F5: variants seen among roughly 807,000 people sequenced by gnomAD.
The protein encoded by F5 is coagulation factor V, also known as activated protein c cofactor.
F5 carries 138 observed loss-of-function variants against 216.4 expected under a neutral mutation model. The observed-to-expected ratio is 0.64, with a 90% CI of 0.56 to 0.73. The LOEUF (loss-of-function observed/expected upper bound fraction) is 0.73. Among genes scored for constraint, F5 ranks in the 30% least tolerant of loss-of-function variants. F5 has a pLI of 0.00. For missense variants in F5, 2,403 were observed against 2,674.0 expected (o/e 0.90, Z 2.24); for synonymous variants, 916 against 930.7 (o/e 0.98, Z 0.29).
At chr1:169,565,354 A>G (rs1024166969) in intron 3 of F5, among the ~76,000 whole-genome samples, 1 of 152,050 alleles carries the variant, frequency 6.6e-6, no homozygotes, top group Non-Finnish European at 1.5e-5. Context: ...TGAGTTCCTC[A>G]AGGAAAAGTG....
At chr1:169,540,198 T>C in intron 13 of F5, 96 bp downstream of exon 13, 1 of 1,326,104 alleles carries the variant, frequency 7.5e-7, no homozygotes, top group South Asian at 1.2e-5. Flanking sequence ...CTGTTCTTAG[T>C]ATAATTTGCC....
intron 3 of F5, among the ~76,000 whole-genome samples, chr1:169,570,710 A>AT (rs9332537): frequency 0.25 from 37,282 of 152,026 alleles, 5,374 homozygotes; most frequent in South Asian, 0.36. Flanking sequence ...TTACTTTCTG[A>AT]TTTTTTCTGA....
rs774980088 is a variant in F5 at position 169,559,277 on chromosome 1, C to A, written c.606G>T (p.Gly202=). The change falls in exon 5 of 25, where the codon GGG becomes GGT. Residue 202 remains glycine (G), a synonymous_variant. Coordinates refer to ENST00000367797, the MANE Select transcript of F5 (RefSeq NM_000130.5). ...ICKKGTLTEG[G]TQKTFDKQIV... is the part of the protein sequence containing the mutation. ...TTTGCTTGTCAAACGTCTTCTGTGT[C>A]CCACCCTCAGTTAGGGTCCCTATGA... 4.3e-6 allele frequency: 7 copies of A among 1,613,594 alleles called. No individual in the cohort carries two copies. The Admixed American group carries it at 1.2e-4, about 27-fold the overall frequency.
intron 22 of F5, among the ~76,000 whole-genome samples, chr1:169,518,920 C>G (rs763162448): frequency 2.0e-5 from 3 of 152,156 alleles, no homozygotes; most frequent in Non-Finnish European, 4.4e-5. Flanking sequence ...TTGGTCTTTG[C>G]TTTCAGGTGA....
chr1:169,547,800 A>C (rs1354579901), intron 10 of F5, among the ~76,000 whole-genome samples: 2 of 152,198 alleles, frequency 1.3e-5, no homozygotes, highest in East Asian at 3.9e-4. Context: ...CAAAGACCTA[A>C]AGTCAGAAAT....
chr1:169,568,342 C>A (rs9332550), intron 3 of F5, among the ~76,000 whole-genome samples: 1,887 of 152,096 alleles, frequency 0.012, 31 homozygotes, highest in African/African-American at 0.037. Context: ...GCTAATGAGA[C>A]AATTGGGGTG....
At chr1:169,527,728 T>C (rs1040606343) in intron 17 of F5, among the ~76,000 whole-genome samples, 187 bp downstream of exon 17, 1 of 152,210 alleles carries the variant, frequency 6.6e-6, no homozygotes, top group Admixed American at 6.5e-5. Flanking sequence ...AAATAGTTCA[T>C]AAATTAGGTG....
Position 169,514,638 on chromosome 1 carries a change from G to A in F5, c.6529-179C>T, listed in dbSNP as rs548480463. 4.6e-5 allele frequency among the ~76,000 whole-genome samples: 7 copies of A among 152,056 alleles called. No homozygotes were observed. In the South Asian group the frequency reaches 1.5e-3, roughly 32 times the overall value. On this transcript the variant is annotated intron_variant, in intron 24 of 24. Coordinates refer to ENST00000367797, the MANE Select transcript of F5 (RefSeq NM_000130.5). ...AATCCTCTTGCCTCAGCCTTCCAAAGTGCTGGCATTGCAGACATGAGCCAT... is the reference window on the plus strand; with the variant it reads ...AATCCTCTTGCCTCAGCCTTCCAAAATGCTGGCATTGCAGACATGAGCCAT...
At chr1:169,565,320 C>T (rs1016816164) in intron 3 of F5, among the ~76,000 whole-genome samples, 9 of 152,020 alleles carry the variant, frequency 5.9e-5, no homozygotes, top group African/African-American at 2.2e-4. Context: ...TATTTGTGTC[C>T]TGCACATTTT....
At position 169,541,420 on chromosome 1, in the gene F5, G is replaced by A; in HGVS notation, c.3670C>T (p.Pro1224Ser). 1 of 1,613,954 alleles carries A rather than the reference G, an allele frequency of 6.2e-7. No individual in the cohort carries two copies. Among genetic ancestry groups the A allele is most frequent in the Non-Finnish European group, 8.5e-7 (1 of 1,179,948 alleles). The change falls in exon 13 of 25, where the codon CCA becomes TCA. Residue 1224 changes from proline (P) to serine (S), a missense_variant. Around this residue, in one of 4 missense-constraint regions of F5, gnomAD observed 1,425 missense variants for 1,554.8 expected, o/e 0.92. Coordinates refer to ENST00000367797, the MANE Select transcript of F5 (RefSeq NM_000130.5). ...SPELIQRNLS[P>S]ALGQMPISPD... ...GAAATGGGCATCTGACCGAGGGCTG[G>A]GGAAAGGTTTCTCTGAATGAGTTCT... is the stretch of plus-strand genomic sequence containing the variant.
At chr1:169,581,046 G>T (rs551588865) in intron 2 of F5, among the ~76,000 whole-genome samples, 1 of 152,150 alleles carries the variant, frequency 6.6e-6, no homozygotes, top group African/African-American at 2.4e-5. Flanking sequence ...GCTTCAGAGG[G>T]AAAGTGGCTT....
intron 17 of F5, among the ~76,000 whole-genome samples, chr1:169,526,793 T>C (rs1659462908): frequency 6.6e-6 from 1 of 152,082 alleles, no homozygotes; most frequent in Non-Finnish European, 1.5e-5. Context: ...GATCTTCTAA[T>C]ACTTGATGAA....
Position 169,525,928 on chromosome 1 carries a change from G to T in F5, c.5689C>A (p.Gln1897Lys), listed in dbSNP as rs1659434890. The T allele has an allele frequency of 1.2e-6, 2 of 1,612,898 alleles. No homozygotes were observed. Among genetic ancestry groups the T allele is most frequent in the Non-Finnish European group, 1.7e-6 (2 of 1,179,196 alleles). The part of the protein sequence containing the change: ...EVGENQRAGM[Q>K]TPFLIMDRDC... ...CTGTCCATGATAAGAAATGGCGTTT[G>T]CATCCCTGCTCTCTGGTTTTCTCCA... is the stretch of plus-strand genomic sequence containing the variant. The change falls in exon 18 of 25, where the codon CAA (glutamine) becomes AAA (lysine). Residue 1897 changes from glutamine to lysine, a missense_variant. Gln to Lys is a moderately conservative substitution (Grantham distance 53). Transcript: ENST00000367797.
chr1:169,567,932 C>T (rs1660645298), intron 3 of F5, among the ~76,000 whole-genome samples: 2 of 152,190 alleles, frequency 1.3e-5, no homozygotes, highest in Admixed American at 6.6e-5. Flanking sequence ...CTAAAAATTG[C>T]CCAAGATGCT....
At chr1:169,517,081 C>A (rs1471023349) in intron 23 of F5, among the ~76,000 whole-genome samples, 1 of 151,936 alleles carries the variant, frequency 6.6e-6, no homozygotes, top group East Asian at 1.9e-4. Context: ...TGTAATATAA[C>A]ACTATTTTTA....
chr1:169,536,760 A>G (rs1659714916), intron 13 of F5, 80 bp from the exon 14 acceptor site: 2 of 1,132,840 alleles, frequency 1.8e-6, no homozygotes, highest in Non-Finnish European at 2.6e-6. Flanking sequence ...CTTTCTAAAT[A>G]TAGCATCTAG....
At chr1:169,584,572 A>G (rs1054824509) in intron 1 of F5, among the ~76,000 whole-genome samples, 11 of 152,336 alleles carry the variant, frequency 7.2e-5, no homozygotes, top group African/African-American at 2.6e-4. Context: ...ATATGAAATA[A>G]GTAGATAGAT....
chr1:169,514,403 TG>T lies in F5; in HGVS notation c.6584del (p.Pro2195GlnfsTer49). On this transcript the variant is annotated frameshift_variant, in exon 25 of 25. Transcript: ENST00000367797. LOFTEE classifies it high-confidence loss of function. ...TGACACGGATAAACCTGGAAATGAT[TG>T]GGGGGTTGAAAAAGTTCTTCACATG... ...KGHVKNFFNPPIISRFIRVIP... is the reference protein window; with the variant it reads ...KGHVKNFFNPXIISRFIRVIP... 2 of 1,613,284 alleles carry T rather than the reference TG, an allele frequency of 1.2e-6. No individual in the cohort carries two copies. Among genetic ancestry groups the T allele is most frequent in the Non-Finnish European group, 1.7e-6 (2 of 1,179,542 alleles).
chr1:169,564,028 G>A (rs6678795), intron 3 of F5, among the ~76,000 whole-genome samples: 90,595 of 151,936 alleles, frequency 0.6, 28,442 homozygotes, highest in East Asian at 0.87. Flanking sequence ...ATCAAATCTT[G>A]TTTTTTATTC....
Sources: allele counts gnomAD v4.1 joint callset (sites outside exome capture counted in the v4.1 genomes callset), GRCh38; gene constraint gnomAD v4.1.1; regional missense constraint gnomAD v4.1.1; transcripts MANE v1.5; gene names NCBI Gene and HGNC (gene_info 2026-07-23, HGNC 2026-07-21).